The following NTM variants were observed in gnomAD, a reference collection of about 807,000 sequenced individuals.
NTM encodes neurotrimin, also known as IgLON family member 2.
NTM carries 13 observed loss-of-function variants against 42.1 expected under a neutral mutation model. The ratio of observed to expected loss-of-function variants is 0.31; its 90% CI spans 0.20 to 0.49. The LOEUF is 0.49. NTM is among the 20% of genes least tolerant of loss of function. The pLI, the probability that NTM is intolerant of heterozygous loss-of-function variation, is 0.99. For missense variants in NTM, 373 were observed against 452.8 expected (o/e 0.82, Z 1.60); for synonymous variants, 187 against 179.2 (o/e 1.04, Z -0.35).
At chr11:132,318,718 C>A (rs573585245) in intron 7 of NTM, among the ~76,000 whole-genome samples, 5 of 152,246 alleles carry the variant, frequency 3.3e-5, no homozygotes, top group Admixed American at 2.6e-4. Context: ...AGCTGTGAAG[C>A]CAGGGAGGGG....
chr11:132,208,297 C>T (rs1388769633), intron 3 of NTM, among the ~76,000 whole-genome samples: 2 of 152,210 alleles, frequency 1.3e-5, no homozygotes, highest in Non-Finnish European at 2.9e-5. Context: ...CATATTTTGA[C>T]TCCCTTAGCA....
At chr11:132,100,313 T>C (rs545590621) in intron 2 of NTM, among the ~76,000 whole-genome samples, 1 of 152,314 alleles carries the variant, frequency 6.6e-6, no homozygotes, top group South Asian at 2.1e-4. Flanking sequence ...AAGTATGCAC[T>C]GGATGTTGTT....
chr11:131,414,893 C>T (rs1468171066), intron 1 of NTM, among the ~76,000 whole-genome samples: 2 of 152,152 alleles, frequency 1.3e-5, no homozygotes, highest in African/African-American at 4.8e-5. Context: ...CTATACAGTG[C>T]TGCTACCCAG....
chr11:131,872,621 A>G (rs12793799), intron 1 of NTM, among the ~76,000 whole-genome samples: 14,393 of 152,268 alleles, frequency 0.095, 911 homozygotes, highest in East Asian at 0.31. Context: ...AGTTGAAAGA[A>G]TATGAATGGT....
At chr11:131,854,379 T>C (rs547387326) in intron 1 of NTM, among the ~76,000 whole-genome samples, 6 of 152,336 alleles carry the variant, frequency 3.9e-5, no homozygotes, top group East Asian at 1.9e-4. Context: ...ACAAGCACTG[T>C]ATAGACAATA....
intron 1 of NTM, among the ~76,000 whole-genome samples, chr11:131,547,854 C>G (rs928536891): frequency 6.6e-6 from 1 of 152,126 alleles, no homozygotes; most frequent in African/African-American, 2.4e-5. Context: ...TGAAGGGGAG[C>G]CAGGATTGAT....
intron 1 of NTM, among the ~76,000 whole-genome samples, chr11:131,665,140 T>A (rs558215034): frequency 6.6e-6 from 1 of 152,212 alleles, no homozygotes; most frequent in Non-Finnish European, 1.5e-5. Context: ...CTCTCAAGGC[T>A]GACACCTGGA....
At chr11:131,720,052 A>T (rs1162499828) in intron 1 of NTM, among the ~76,000 whole-genome samples, 1 of 152,186 alleles carries the variant, frequency 6.6e-6, no homozygotes, top group Non-Finnish European at 1.5e-5. Context: ...TTGCTTCCTC[A>T]GAGCAAAGAA....
intron 4 of NTM, among the ~76,000 whole-genome samples, chr11:132,253,699 GACTTCCAGTCC>G (rs2092209152): frequency 6.6e-6 from 1 of 152,160 alleles, no homozygotes; most frequent in African/African-American, 2.4e-5. Flanking sequence ...CAATTACCCT[GACTTCCAGTCC>G]AGAGTTACTT....
At chr11:132,008,295 T>C (rs1413310355) in intron 2 of NTM, among the ~76,000 whole-genome samples, 1 of 152,182 alleles carries the variant, frequency 6.6e-6, no homozygotes, top group Non-Finnish European at 1.5e-5. Context: ...CTTTAATCTT[T>C]CTGAGTCTTG....
At chr11:132,130,443 G>T (rs2066615229) in intron 2 of NTM, among the ~76,000 whole-genome samples, 1 of 152,118 alleles carries the variant, frequency 6.6e-6, no homozygotes. Flanking sequence ...CAATCATGTT[G>T]CTAATTTTAC....
At chr11:132,105,336 T>A (rs1453729594) in intron 2 of NTM, among the ~76,000 whole-genome samples, 1 of 152,038 alleles carries the variant, frequency 6.6e-6, no homozygotes, top group African/African-American at 2.4e-5. Context: ...AGGTTCAGAA[T>A]AAATAAATAT....
intron 1 of NTM, among the ~76,000 whole-genome samples, chr11:131,395,038 C>G (rs1226629561): frequency 6.6e-6 from 1 of 152,086 alleles, no homozygotes; most frequent in Non-Finnish European, 1.5e-5. Context: ...GGGATGGGAA[C>G]TAAAAGCCCC....
At chr11:132,075,636 A>G (rs2058267864) in intron 2 of NTM, among the ~76,000 whole-genome samples, 1 of 152,176 alleles carries the variant, frequency 6.6e-6, no homozygotes, top group African/African-American at 2.4e-5. Context: ...ATTAGCCTGG[A>G]GAGTATAGAT....
At chr11:131,554,081 C>G (rs2055067779) in intron 1 of NTM, among the ~76,000 whole-genome samples, 1 of 152,208 alleles carries the variant, frequency 6.6e-6, no homozygotes, top group Non-Finnish European at 1.5e-5. Flanking sequence ...GCCTTTAAAT[C>G]CTGTAAGAGT....
intron 1 of NTM, among the ~76,000 whole-genome samples, chr11:131,588,563 G>A (rs1407852461): frequency 1.5e-4 from 23 of 152,202 alleles, no homozygotes; most frequent in Non-Finnish European, 3.1e-4. Context: ...ACAAAAACCA[G>A]TGATAGCCAG....
intron 4 of NTM, among the ~76,000 whole-genome samples, chr11:132,253,921 G>T (rs917562720): frequency 2.6e-5 from 4 of 152,186 alleles, no homozygotes; most frequent in African/African-American, 9.7e-5. Flanking sequence ...GAGGACATAG[G>T]AGCTCAGCTT....
chr11:132,146,634 C>G lies in NTM; in HGVS notation c.400+120C>G. 9.7e-7 allele frequency: 1 copy of G among 1,027,380 alleles called. No homozygotes were observed. Among genetic ancestry groups the G allele is most frequent in the Non-Finnish European group, 1.4e-6 (1 of 726,594 alleles). 63.6% of individuals were successfully genotyped at this position (1,027,380 alleles called of 1,614,324 possible). A position where few individuals can be genotyped will look rare whatever the true frequency, so the allele number is the denominator to read the frequency against. ...ATCCTTATTCTACGCATCTGGGGTC[C>G]AGGGCACATTTCTGGTTGTCATTTT... On this transcript the variant is annotated intron_variant, in intron 3 of 8. Coordinates refer to ENST00000683400, the MANE Select transcript of NTM (RefSeq NM_001352005.2). The surrounding 1 kb of genome is among the most constrained non-coding windows in gnomAD (Gnocchi z 4.5).
At chr11:132,029,998 T>A (rs1305949169) in intron 2 of NTM, among the ~76,000 whole-genome samples, 1 of 152,210 alleles carries the variant, frequency 6.6e-6, no homozygotes, top group Admixed American at 6.5e-5. Context: ...GCAATCCTTT[T>A]TGATAGAGTT....
Sources: gnomAD v4.1 joint callset for allele counts (sites outside exome capture counted in the v4.1 genomes callset) on GRCh38, gnomAD v4.1.1 for gene constraint, Gnocchi (gnomAD v3.1) non-coding constraint, MANE v1.5 for transcripts, NCBI Gene and HGNC (gene_info 2026-07-23, HGNC 2026-07-21) for gene names.